The following SLC4A9 variants were observed in gnomAD, a reference collection of about 807,000 sequenced individuals.
SLC4A9 encodes anion exchange protein 4.
A neutral mutation model predicts 103.2 loss-of-function variants in SLC4A9; 102 were observed. The observed-to-expected ratio is 0.99, with a 90% CI of 0.84 to 1.17. The LOEUF (loss-of-function observed/expected upper bound fraction) is 1.17. Ranked by LOEUF, SLC4A9 falls within the 50% of genes most tolerant of loss-of-function variation. The probability of loss-of-function intolerance (pLI) is 0.00; values close to 1 mark genes in which losing one functional copy is unlikely to be tolerated. For missense variants in SLC4A9, 1,091 were observed against 1,193.7 expected (o/e 0.91, Z 1.27); for synonymous variants, 453 against 483.6 (o/e 0.94, Z 0.83).
Position 140,360,920 on chromosome 5 carries a change from C to T in SLC4A9, c.339C>T (p.Ala113=), listed in dbSNP as rs374725984. The T allele has an allele frequency of 7.1e-5, 114 of 1,603,264 alleles. 1 individual carries two copies. In the African/African-American group the frequency reaches 9.3e-4, roughly 13 times the overall value. The change falls in exon 2 of 22, where the codon GCC becomes GCT. Residue 113 remains alanine, a synonymous_variant. Coordinates refer to ENST00000506757, the MANE Select transcript of SLC4A9 (RefSeq NM_031467.3). ...PSLQKLRSLL[A]EGLVLLDCPA... is the part of the protein sequence containing the mutation. ...TCCAGAAGCTCCGCAGCCTGCTGGC[C>T]GAGGGCCTTGTACTGCTGGACTGCC...
At chr5:140,362,233 A>G in intron 5 of SLC4A9, 59 bp downstream of exon 5, 1 of 1,436,914 alleles carries the variant, frequency 7.0e-7, no homozygotes, top group Non-Finnish European at 9.3e-7. Flanking sequence ...GTCTTTACTG[A>G]GGAGGGGAAG....
At chr5:140,362,326 G>A in intron 5 of SLC4A9, 119 bp from the exon 6 acceptor site, 1 of 1,239,538 alleles carries the variant, frequency 8.1e-7, no homozygotes, top group East Asian at 2.4e-5. Flanking sequence ...AGGGCTGCAT[G>A]GTAGGTGTGC....
At chr5:140,372,037 G>A (rs1230396555) in intron 19 of SLC4A9, among the ~76,000 whole-genome samples, 1 of 152,156 alleles carries the variant, frequency 6.6e-6, no homozygotes, top group Non-Finnish European at 1.5e-5. Context: ...TGTGACCTCT[G>A]GGAAGTAACT....
At chr5:140,366,053 G>A (rs762269443) in intron 13 of SLC4A9, 31 bp downstream of exon 13, 1 of 1,612,822 alleles carries the variant, frequency 6.2e-7, no homozygotes, top group South Asian at 1.1e-5. Context: ...TGTGGGAGAG[G>A]CCTGACTCTA....
chr5:140,368,358 A>G (rs1768205356), intron 16 of SLC4A9, among the ~76,000 whole-genome samples: 2 of 152,216 alleles, frequency 1.3e-5, no homozygotes, highest in Admixed American at 1.3e-4. Context: ...GCAACTATGA[A>G]CTTGAATTGA....
intron 21 of SLC4A9, 71 bp from the exon 22 acceptor site, chr5:140,374,756 A>G (rs1006261830): frequency 1.3e-5 from 2 of 151,962 alleles, no homozygotes; most frequent in African/African-American, 2.4e-5. Flanking sequence ...TGGCCTCACC[A>G]TGTCTTCTAT....
At chr5:140,372,180 A>G in intron 19 of SLC4A9, 62 bp from the exon 20 acceptor site, 1 of 1,402,020 alleles carries the variant, frequency 7.1e-7, no homozygotes, top group Admixed American at 3.1e-5. Context: ...AATAAGTGTT[A>G]CTATTGTTAA....
In SLC4A9 at chr5:140,375,001, G is replaced by A. The variant is rs770621295; in HGVS notation, c.*220G>A. On this transcript the variant is annotated 3_prime_UTR_variant, in exon 22 of 22. Coordinates refer to ENST00000506757, the MANE Select transcript of SLC4A9 (RefSeq NM_031467.3). ...CACTCTCTACTCATTAAAAGGTCCTGAGCCACGAAGCGCTTCCCATTTTGA... is the reference window on the plus strand; with the variant it reads ...CACTCTCTACTCATTAAAAGGTCCTAAGCCACGAAGCGCTTCCCATTTTGA... 7.2e-5 allele frequency: 11 copies of A among 152,082 alleles called. No homozygotes were observed. Among genetic ancestry groups the A allele is most frequent in the Non-Finnish European group, 1.5e-4 (10 of 68,050 alleles). The allele number at this position is 152,082 out of a possible 1,614,324, so 9.4% of individuals were successfully genotyped here. A position where few individuals can be genotyped will look rare whatever the true frequency, so the allele number is the denominator to read the frequency against.
intron 21 of SLC4A9, among the ~76,000 whole-genome samples, chr5:140,374,482 G>A (rs984877552): frequency 2.0e-5 from 3 of 150,030 alleles, no homozygotes; most frequent in Admixed American, 6.7e-5. Context: ...CCCGGGAGGC[G>A]GAGGTTGCAG....
rs372005697 is a variant in SLC4A9 at position 140,363,032 on chromosome 5, C to A, written c.928C>A (p.Pro310Thr). ...TCGGTGGGACCCAACAGCCCGGATT[C>A]CCCCGCCCAAATGTCTGCCATCTCA... is the stretch of plus-strand genomic sequence containing the variant. ...PGRWDPTARI[P>T]PPKCLPSQHK... The change falls in exon 7 of 22, where the codon CCC becomes ACC. Residue 310 changes from proline to threonine, a missense_variant. Coordinates refer to ENST00000506757, the MANE Select transcript of SLC4A9 (RefSeq NM_031467.3). The surrounding 1 kb of genome is among the most constrained non-coding windows in gnomAD (Gnocchi z 4.5). 75 of 1,613,046 alleles carry A rather than the reference C, an allele frequency of 4.6e-5. No individual in the cohort carries two copies. The highest frequency in any genetic ancestry group is 2.2e-4 in the Admixed American group (13 of 59,670).
At chr5:140,362,394 G>T in intron 5 of SLC4A9, 51 bp from the exon 6 acceptor site, 1 of 1,563,770 alleles carries the variant, frequency 6.4e-7, no homozygotes, top group East Asian at 2.2e-5. Flanking sequence ...GGCCAGGGCT[G>T]CCCTGTGGGA....
At chr5:140,373,706 G>A (rs1462385934) in intron 21 of SLC4A9, among the ~76,000 whole-genome samples, 1 of 152,178 alleles carries the variant, frequency 6.6e-6, no homozygotes, top group African/African-American at 2.4e-5. Context: ...TTGAGCCCAG[G>A]ACTTCAAGCT....
chr5:140,366,372 C>A, intron 14 of SLC4A9, 108 bp downstream of exon 14: 1 of 756,494 alleles, frequency 1.3e-6, no homozygotes, highest in Non-Finnish European at 2.1e-6. Flanking sequence ...TCTTTCTTCA[C>A]TAATAAGCTA....
intron 1 of SLC4A9, 67 bp from the exon 2 acceptor site, chr5:140,360,745 C>T: frequency 6.2e-7 from 1 of 1,606,046 alleles, no homozygotes; most frequent in South Asian, 1.1e-5. Flanking sequence ...CCTAGCTCCT[C>T]TGCATCTCTG....
chr5:140,373,408 A>T (rs1406573659), intron 21 of SLC4A9, among the ~76,000 whole-genome samples: 1 of 152,144 alleles, frequency 6.6e-6, no homozygotes, highest in Non-Finnish European at 1.5e-5. Flanking sequence ...TCCCAGTGGG[A>T]GAGTAGACAA....
At chr5:140,372,709 C>T (rs1388219721) in intron 20 of SLC4A9, 36 bp from the exon 21 acceptor site, 1 of 1,516,050 alleles carries the variant, frequency 6.6e-7, no homozygotes, top group African/African-American at 1.4e-5. Flanking sequence ...GTCTTTCTAT[C>T]TATTCTCAAT....
Position 140,360,401 on chromosome 5 carries a change from G to T in SLC4A9, c.165G>T (p.Leu55=). 6.2e-7 allele frequency: 1 copy of T among 1,602,968 alleles called. No homozygotes were observed. The highest frequency in any genetic ancestry group is 1.7e-5 in the Admixed American group (1 of 58,754). The change falls in exon 1 of 22, where the codon CTG becomes CTT. Residue 55 remains leucine (L), a synonymous_variant. Coordinates refer to ENST00000506757, the MANE Select transcript of SLC4A9 (RefSeq NM_031467.3). The stretch of plus-strand genomic sequence containing the variant: ...AACTGGGAGTACCCAAAGACCCTCT[G>T]CTCTTCATTCAGCTGAATGAGCTGC... ...SKELGVPKDP[L]LFIQLNELLG...
Position 140,367,435 on chromosome 5 carries a change from C to G in SLC4A9, c.2029C>G (p.Arg677Gly), listed in dbSNP as rs761539859. The change falls in exon 15 of 22, where the codon CGT becomes GGT. Residue 677 changes from arginine (R) to glycine (G), a missense_variant. Physicochemically the swap from Arg to Gly is moderately radical, Grantham distance 125. Transcript: ENST00000506757. ...CCTCCTCCAGCCCACACTCCCTGGG[C>G]GTGGCTGGCTGGTGTCACCTTTTGG... ...PREFKPTLPGRGWLVSPFGAN... is the reference protein window; with the variant it reads ...PREFKPTLPGGGWLVSPFGAN... The G allele has an allele frequency of 1.6e-5, 25 of 1,611,706 alleles. No homozygotes were observed. In the Admixed American group the frequency reaches 3.9e-4, roughly 25 times the overall value.
chr5:140,362,858 G>T, intron 6 of SLC4A9, 54 bp from the exon 7 acceptor site: 1 of 1,607,846 alleles, frequency 6.2e-7, no homozygotes. Flanking sequence ...CTATGAAAAT[G>T]CATGTAAGAG....
Sources: gnomAD v4.1 joint callset for allele counts (sites outside exome capture counted in the v4.1 genomes callset) on GRCh38, gnomAD v4.1.1 for gene constraint, Gnocchi (gnomAD v3.1) non-coding constraint, MANE v1.5 for transcripts, NCBI Gene and HGNC (gene_info 2026-07-23, HGNC 2026-07-21) for gene names.